Variants in CNTN4 observed in about 807,000 individuals in gnomAD.
CNTN4 encodes contactin 4, also known as contactin-4.
Under a neutral mutation model 122.5 loss-of-function variants are expected in CNTN4, and 77 were observed. The ratio of observed to expected loss-of-function variants is 0.63; its 90% confidence interval spans 0.52 to 0.76. The LOEUF (loss-of-function observed/expected upper bound fraction) is 0.76, where lower values mean the gene tolerates loss of function less well. Among genes scored for constraint, CNTN4 ranks in the 30% least tolerant of loss-of-function variants. The pLI, the probability that CNTN4 is intolerant of heterozygous loss-of-function variation, is 0.00. For missense variants in CNTN4, 1,256 were observed against 1,259.1 expected (o/e 1.00, Z 0.04); for synonymous variants, 512 against 447.0 (o/e 1.15, Z -1.83).
chr3:2,944,160 T>C (rs2094648454), intron 13 of CNTN4, among the ~76,000 whole-genome samples: 1 of 151,882 alleles, frequency 6.6e-6, no homozygotes, highest in Non-Finnish European at 1.5e-5. Context: ...GGGGGGTTTT[T>C]TTTTTGGTGT....
chr3:2,534,815 A>G (rs2077735294), intron 3 of CNTN4, among the ~76,000 whole-genome samples: 1 of 48,062 alleles, frequency 2.1e-5, no homozygotes, highest in African/African-American at 6.6e-5. Context: ...TGAGGGAACA[A>G]TGTATGCTGC....
intron 4 of CNTN4, among the ~76,000 whole-genome samples, chr3:2,593,632 C>T (rs1188881270): frequency 1.3e-5 from 2 of 152,134 alleles, no homozygotes; most frequent in East Asian, 3.8e-4. Context: ...AGATGAAGAT[C>T]TTATAAGAAT....
intron 3 of CNTN4, among the ~76,000 whole-genome samples, chr3:2,457,990 A>T (rs2049062348): frequency 6.6e-6 from 1 of 152,114 alleles, no homozygotes; most frequent in Non-Finnish European, 1.5e-5. Flanking sequence ...TCCTGCTCAG[A>T]CCAAACATCT....
At chr3:2,428,804 T>A (rs1469019123) in intron 3 of CNTN4, among the ~76,000 whole-genome samples, 1 of 152,186 alleles carries the variant, frequency 6.6e-6, no homozygotes, top group Non-Finnish European at 1.5e-5. Flanking sequence ...ACTTCTCTTC[T>A]TGCTTCATTT....
chr3:2,159,579 A>C (rs2035869996), intron 2 of CNTN4, among the ~76,000 whole-genome samples: 1 of 152,154 alleles, frequency 6.6e-6, no homozygotes, highest in Non-Finnish European at 1.5e-5. Flanking sequence ...TGGAGATTTT[A>C]TATTAAATGG....
At chr3:2,413,931 C>T (rs1575581439) in intron 3 of CNTN4, among the ~76,000 whole-genome samples, 1 of 152,160 alleles carries the variant, frequency 6.6e-6, no homozygotes, top group African/African-American at 2.4e-5. Context: ...AAATATTTAA[C>T]GTGTTTGGTG....
At chr3:2,732,281 A>G (rs1371538895) in intron 4 of CNTN4, among the ~76,000 whole-genome samples, 1 of 152,150 alleles carries the variant, frequency 6.6e-6, no homozygotes, top group East Asian at 1.9e-4. Flanking sequence ...AGCTAGGTTA[A>G]AGGGCAGATT....
intron 2 of CNTN4, among the ~76,000 whole-genome samples, chr3:2,252,425 C>T (rs946717577): frequency 1.3e-5 from 2 of 151,630 alleles, no homozygotes; most frequent in Admixed American, 6.6e-5. Context: ...TCTGAATTTA[C>T]ACATTGATAA....
At chr3:2,809,194 G>C (rs1434673702) in intron 6 of CNTN4, among the ~76,000 whole-genome samples, 1 of 152,242 alleles carries the variant, frequency 6.6e-6, no homozygotes, top group South Asian at 2.1e-4. Flanking sequence ...GTAGTAAAGA[G>C]GGGATGTGAC....
chr3:2,754,395 C>G (rs953142111), intron 6 of CNTN4, among the ~76,000 whole-genome samples: 1 of 152,124 alleles, frequency 6.6e-6, no homozygotes, highest in African/African-American at 2.4e-5. Context: ...TGAACAAAAT[C>G]TGGCTACCTG....
At chr3:2,772,020 A>G (rs2091124313) in intron 6 of CNTN4, among the ~76,000 whole-genome samples, 1 of 152,204 alleles carries the variant, frequency 6.6e-6, no homozygotes, top group South Asian at 2.1e-4. Flanking sequence ...AGGTTGTCAA[A>G]TATGAACTGG....
intron 4 of CNTN4, among the ~76,000 whole-genome samples, chr3:2,639,013 C>T (rs1227454299): frequency 6.6e-6 from 1 of 152,200 alleles, no homozygotes; most frequent in Admixed American, 6.5e-5. Flanking sequence ...TCCCTACAAT[C>T]TATTTTACAA....
intron 3 of CNTN4, among the ~76,000 whole-genome samples, chr3:2,497,994 T>C (rs1365614704): frequency 6.6e-6 from 1 of 152,114 alleles, no homozygotes; most frequent in African/African-American, 2.4e-5. Flanking sequence ...TTACTAAAAT[T>C]AGAAACAAAT....
At chr3:2,405,343 A>C (rs1443966589) in intron 3 of CNTN4, among the ~76,000 whole-genome samples, 2 of 152,144 alleles carry the variant, frequency 1.3e-5, no homozygotes, top group Non-Finnish European at 2.9e-5. Flanking sequence ...CAGTTCTTCA[A>C]ATGCTCTTTG....
At chr3:2,906,767 C>T (rs1186885715) in intron 12 of CNTN4, among the ~76,000 whole-genome samples, 2 of 151,190 alleles carry the variant, frequency 1.3e-5, no homozygotes, top group African/African-American at 2.4e-5. Context: ...TCACTTAGAC[C>T]CGGGAGACAG....
At chr3:2,875,183 A>G (rs763556193) in intron 8 of CNTN4, among the ~76,000 whole-genome samples, 1 of 152,100 alleles carries the variant, frequency 6.6e-6, no homozygotes, top group Non-Finnish European at 1.5e-5. Context: ...GGGTCTCACC[A>G]TGTTAGCCAG....
intron 3 of CNTN4, among the ~76,000 whole-genome samples, chr3:2,432,864 A>C (rs1189831987): frequency 6.8e-6 from 1 of 146,656 alleles, no homozygotes; most frequent in Non-Finnish European, 1.5e-5. Flanking sequence ...GCTGGAGTGC[A>C]GTGGTGAGCT....
intron 13 of CNTN4, among the ~76,000 whole-genome samples, chr3:2,965,042 G>C (rs1369782337): frequency 3.3e-5 from 5 of 152,168 alleles, no homozygotes; most frequent in Non-Finnish European, 7.4e-5. Context: ...CCCAACTCCA[G>C]TGGTCTGTGA....
intron 3 of CNTN4, among the ~76,000 whole-genome samples, chr3:2,497,775 C>A (rs967504613): frequency 6.6e-6 from 1 of 152,168 alleles, no homozygotes; most frequent in Non-Finnish European, 1.5e-5. Flanking sequence ...TTAACAGAAT[C>A]TATAACTATT....
Sources: gnomAD v4.1 joint callset for allele counts (sites outside exome capture counted in the v4.1 genomes callset) on GRCh38, gnomAD v4.1.1 for gene constraint, MANE v1.5 for transcripts, NCBI Gene and HGNC (gene_info 2026-07-23, HGNC 2026-07-21) for gene names.